The following ASPRV1 variants were observed in gnomAD, a reference collection of about 807,000 sequenced individuals.
ASPRV1 encodes the protein aspartic peptidase retroviral like 1.
A neutral mutation model predicts 11.0 loss-of-function variants in ASPRV1; 7 were observed. The observed-to-expected ratio is 0.64, with a 90% CI of 0.36 to 1.20. The LOEUF (loss-of-function observed/expected upper bound fraction) is 1.20, where lower values mean the gene tolerates loss of function less well. Ranked by LOEUF, ASPRV1 falls within the 50% of genes most tolerant of loss-of-function variation. The pLI is 0.02. For missense variants in ASPRV1, 299 were observed against 320.0 expected (o/e 0.93, Z 0.50); for synonymous variants, 136 against 138.4 (o/e 0.98, Z 0.12).
the ASPRV1 span, among the ~76,000 whole-genome samples, chr2:70,057,305 A>G: frequency 6.6e-6 from 1 of 152,182 alleles, no homozygotes; most frequent in Non-Finnish European, 1.5e-5. Flanking sequence ...TAACAAGTAT[A>G]CAGAGTTTCT....
At chr2:70,066,243 AT>A in the ASPRV1 span, among the ~76,000 whole-genome samples, 66 of 145,848 alleles carry the variant, frequency 4.5e-4, no homozygotes, top group Non-Finnish European at 4.4e-4. Context: ...CACTAACATC[AT>A]TTTTTTTTTT....
At chr2:69,937,421 T>C in the ASPRV1 span, 1 of 1,571,086 alleles carries the variant, frequency 6.4e-7, no homozygotes, top group East Asian at 2.3e-5. Flanking sequence ...CTCCTCCCTG[T>C]CTCCCTTGTG....
chr2:70,068,288 T>G, the ASPRV1 span, among the ~76,000 whole-genome samples: 1 of 152,334 alleles, frequency 6.6e-6, no homozygotes, highest in East Asian at 1.9e-4. Flanking sequence ...GAGGCAGCTC[T>G]GGAGTGCTGA....
At chr2:69,982,031 TCATCTATCCATCCATC>T in the ASPRV1 span, among the ~76,000 whole-genome samples, 12 of 141,204 alleles carry the variant, frequency 8.5e-5, no homozygotes, top group African/African-American at 3.3e-4. Context: ...TCCCTCCCTC[TCATCTATCCATCCATC>T]CATCCATCCA....
At chr2:70,066,763 G>A in the ASPRV1 span, among the ~76,000 whole-genome samples, 1 of 151,714 alleles carries the variant, frequency 6.6e-6, no homozygotes, top group Non-Finnish European at 1.5e-5. Flanking sequence ...ACCACACTTG[G>A]CTAATTTGTT....
At chr2:69,982,081 ATCC>A in the ASPRV1 span, among the ~76,000 whole-genome samples, 1 of 138,478 alleles carries the variant, frequency 7.2e-6, no homozygotes, top group Non-Finnish European at 1.5e-5. Context: ...CCATCCATCC[ATCC>A]TTCCATCCAT....
the ASPRV1 span, among the ~76,000 whole-genome samples, chr2:70,038,532 ACC>A: frequency 1.3e-5 from 2 of 152,154 alleles, no homozygotes; most frequent in African/African-American, 4.8e-5. Flanking sequence ...ATGAGCTATG[ACC>A]ACATCATAGC....
At chr2:69,958,825 T>C (rs1677997839), downstream of ASPRV1, among the ~76,000 whole-genome samples, 1 of 152,078 alleles carries the variant, frequency 6.6e-6, no homozygotes, top group Middle Eastern at 3.2e-3. Flanking sequence ...CCTTCTCCAG[T>C]TCTCTCACCC....
At chr2:70,020,305 G>A in the ASPRV1 span, among the ~76,000 whole-genome samples, 4 of 152,110 alleles carry the variant, frequency 2.6e-5, no homozygotes, top group Admixed American at 6.6e-5. Flanking sequence ...GTTTGTTGCG[G>A]TATTATCACA....
the ASPRV1 span, among the ~76,000 whole-genome samples, chr2:70,079,025 G>A: frequency 2.0e-5 from 3 of 152,118 alleles, no homozygotes; most frequent in Non-Finnish European, 4.4e-5. Flanking sequence ...ACAGATTTAA[G>A]GGAGACTCTC....
At chr2:70,071,296 T>C in the ASPRV1 span, among the ~76,000 whole-genome samples, 37 of 152,204 alleles carry the variant, frequency 2.4e-4, no homozygotes, top group African/African-American at 8.9e-4. Context: ...AAGTAGAAAT[T>C]GTTTCTGTGC....
the ASPRV1 span, among the ~76,000 whole-genome samples, chr2:70,028,232 C>G: frequency 6.6e-6 from 1 of 152,160 alleles, no homozygotes; most frequent in Non-Finnish European, 1.5e-5. Context: ...GATGAAGATA[C>G]TGAGAACGGA....
At chr2:70,048,992 T>C in the ASPRV1 span, 1 of 152,158 alleles carries the variant, frequency 6.6e-6, no homozygotes, top group Non-Finnish European at 1.5e-5. Context: ...CTTGATCATA[T>C]GTGCAAAGAC....
chr2:69,960,953 C>A lies in ASPRV1; in HGVS notation c.484G>T (p.Ala162Ser). Residue 162 changes from alanine (A) to serine (S), a missense_variant, in exon 1 of 1, where the codon GCC becomes TCC. Ala to Ser is a moderately conservative substitution (Grantham distance 99). Coordinates refer to ENST00000320256, the MANE Select transcript of ASPRV1 (RefSeq NM_152792.4). ...AGGATCTTCATTTCAGCACCATTGG[C>A]CACCTTTACCACATTCTCAAAGGGC... is the stretch of plus-strand genomic sequence containing the variant. ...LQPFENVVKV[A>S]NGAEMKILGV... 6.2e-7 allele frequency: 1 copy of A among 1,614,096 alleles called. No individual in the cohort carries two copies. Among genetic ancestry groups the A allele is most frequent in the East Asian group, 2.2e-5 (1 of 44,868 alleles).
At chr2:70,069,196 AG>A in the ASPRV1 span, 7 of 152,192 alleles carry the variant, frequency 4.6e-5, no homozygotes, top group Non-Finnish European at 7.3e-5. Context: ...CACACTAGAC[AG>A]CTCTGGGGGA....
the ASPRV1 span, among the ~76,000 whole-genome samples, chr2:70,020,292 C>T: frequency 4.6e-5 from 7 of 152,240 alleles, no homozygotes; most frequent in Admixed American, 2.0e-4. Flanking sequence ...TTTATTCACT[C>T]ATGTTTGTTG....
the ASPRV1 span, chr2:69,968,339 C>T: frequency 1.3e-5 from 2 of 152,098 alleles, no homozygotes; most frequent in African/African-American, 4.8e-5. Context: ...TCAAGGCCAA[C>T]ATGAAAACAC....
At chr2:70,024,379 A>G in the ASPRV1 span, among the ~76,000 whole-genome samples, 1 of 152,186 alleles carries the variant, frequency 6.6e-6, no homozygotes, top group Non-Finnish European at 1.5e-5. Flanking sequence ...TTCTGTGACA[A>G]AAGAGATGGC....
At chr2:70,025,259 C>T in the ASPRV1 span, among the ~76,000 whole-genome samples, 1 of 151,984 alleles carries the variant, frequency 6.6e-6, no homozygotes, top group Non-Finnish European at 1.5e-5. Flanking sequence ...GAGTGATCTC[C>T]TTCAGGAAAA....
Sources: gnomAD v4.1 joint callset for allele counts (sites outside exome capture counted in the v4.1 genomes callset) on GRCh38, gnomAD v4.1.1 for gene constraint, MANE v1.5 for transcripts, NCBI Gene and HGNC (gene_info 2026-07-23, HGNC 2026-07-21) for gene names.